GORASP2: variants seen among roughly 807,000 people sequenced by gnomAD.
The protein encoded by GORASP2 is Golgi reassembly-stacking protein 2.
A neutral mutation model predicts 45.7 loss-of-function variants in GORASP2; 22 were observed. The ratio of observed to expected loss-of-function variants is 0.48; its 90% CI spans 0.34 to 0.69. GORASP2 has a LOEUF of 0.69. Ranked by LOEUF, GORASP2 falls within the 30% of genes least tolerant of loss-of-function variation. The probability of loss-of-function intolerance (pLI) is 0.01; values close to 1 mark genes in which losing one functional copy is unlikely to be tolerated. For synonymous variants in GORASP2, 221 were observed against 215.6 expected (o/e 1.02, Z -0.22); for missense variants, 491 against 562.7 (o/e 0.87, Z 1.29).
intron 1 of GORASP2, among the ~76,000 whole-genome samples, chr2:170,943,244 GA>G (rs1246374732): frequency 6.6e-6 from 1 of 151,864 alleles, no homozygotes; most frequent in African/African-American, 2.4e-5. Flanking sequence ...GGCAACATTT[GA>G]AAAAATGGTT....
At chr2:170,961,866 A>G (rs1187461282) in intron 8 of GORASP2, 117 bp downstream of exon 8, 5 of 729,892 alleles carry the variant, frequency 6.9e-6, no homozygotes, top group Non-Finnish European at 1.3e-5. Flanking sequence ...TTTTAATCTC[A>G]GTTTATCTCT....
intron 1 of GORASP2, among the ~76,000 whole-genome samples, chr2:170,941,554 A>G (rs1016469451): frequency 6.6e-6 from 1 of 152,214 alleles, no homozygotes; most frequent in Non-Finnish European, 1.5e-5. Context: ...CACAGGATGA[A>G]TATCCTGATT....
chr2:170,934,281 T>A (rs1330452525), intron 1 of GORASP2, among the ~76,000 whole-genome samples: 2 of 152,074 alleles, frequency 1.3e-5, no homozygotes, highest in Non-Finnish European at 2.9e-5. Flanking sequence ...GTTGTTTTGT[T>A]TTGTTTTTTT....
intron 1 of GORASP2, among the ~76,000 whole-genome samples, chr2:170,940,330 G>A (rs747991315): frequency 6.6e-6 from 1 of 152,188 alleles, no homozygotes; most frequent in Non-Finnish European, 1.5e-5. Flanking sequence ...ATGTAAGTCA[G>A]TAGACCAGTG....
chr2:170,934,489 AC>A lies in GORASP2; in HGVS notation c.63+5088del, dbSNP rs1703899647. Among the ~76,000 whole-genome samples, 4 of 151,960 alleles carry A rather than the reference AC, an allele frequency of 2.6e-5. No individual in the cohort carries two copies. In the South Asian group the frequency reaches 8.3e-4, roughly 32 times the overall value. The stretch of plus-strand genomic sequence containing the variant: ...TGGCCAGGCTGTTCTCGAACTCCTG[AC>A]CTCAAGTGATCCACCCGCCTCCACC... On this transcript the variant is annotated intron_variant, in intron 1 of 9. Transcript: ENST00000234160.
rs189019544 is a variant in GORASP2, at chr2:170,962,989, A to G, written c.1018+43A>G. On this transcript the variant is annotated intron_variant, in intron 9 of 9. Coordinates refer to ENST00000234160, the MANE Select transcript of GORASP2 (RefSeq NM_015530.5). ...CCCTCCTAGGACTCTCTCTAATAAA[A>G]GTTTTATTCAGGAATGCCCATCCTC... The G allele has an allele frequency of 1.1e-5, 14 of 1,317,230 alleles. No individual in the cohort carries two copies. The African/African-American group carries it at 1.7e-4, about 16-fold the overall frequency. 81.6% of individuals were successfully genotyped at this position (1,317,230 alleles called of 1,614,324 possible).
intron 1 of GORASP2, among the ~76,000 whole-genome samples, chr2:170,942,959 G>A (rs1189594202): frequency 6.6e-6 from 1 of 152,192 alleles, no homozygotes; most frequent in East Asian, 1.9e-4. Context: ...CTTTACAGTA[G>A]TTCAAGATTT....
In GORASP2 at chr2:170,958,181, C is replaced by T. The variant is rs6726835; in HGVS notation, c.823+1622C>T. 8.5e-3 allele frequency among the ~76,000 whole-genome samples: 1,296 copies of T among 152,260 alleles called. 14 individuals carry two copies. Among genetic ancestry groups the T allele is most frequent in the African/African-American group, 0.028 (1,147 of 41,546 alleles). ...AAAATTTCAAACATACACAAAAGAG[C>T]TGGAATTGTATAATGAACCCCATCA... On this transcript the variant is annotated intron_variant, in intron 7 of 9. Coordinates refer to ENST00000234160, the MANE Select transcript of GORASP2 (RefSeq NM_015530.5).
chr2:170,955,555 T>A, intron 6 of GORASP2, among the ~76,000 whole-genome samples: 1 of 152,264 alleles, frequency 6.6e-6, no homozygotes, highest in East Asian at 1.9e-4. Context: ...GCTGCTGTTG[T>A]AAAGACAAGG....
At chr2:170,963,481 C>T (rs1575481320) in intron 9 of GORASP2, among the ~76,000 whole-genome samples, 2 of 136,228 alleles carry the variant, frequency 1.5e-5, no homozygotes. Flanking sequence ...CCCCCTCCTC[C>T]TCCTCCCGCC....
At chr2:170,929,762 C>T (rs1174721762) in intron 1 of GORASP2, 2 of 506,828 alleles carry the variant, frequency 3.9e-6, no homozygotes. Context: ...AGGAAGGGCG[C>T]GGAGGCAACG....
At chr2:170,938,650 C>A (rs10515934) in intron 1 of GORASP2, among the ~76,000 whole-genome samples, 66 of 152,138 alleles carry the variant, frequency 4.3e-4, no homozygotes, top group African/African-American at 1.3e-3. Flanking sequence ...AACAGTTAGA[C>A]TTATTTCATG....
intron 3 of GORASP2, 92 bp downstream of exon 3, chr2:170,949,834 A>AC: frequency 3.5e-6 from 4 of 1,135,808 alleles, no homozygotes; most frequent in Non-Finnish European, 5.3e-6. Flanking sequence ...ATAAGATTGT[A>AC]AGGATATTAT....
In GORASP2 at chr2:170,929,408, G is replaced by A. The variant is rs2105306403; in HGVS notation, c.63+5G>A. 1.4e-6 allele frequency: 2 copies of A among 1,386,890 alleles called. No individual in the cohort carries two copies. Among genetic ancestry groups the A allele is most frequent in the Middle Eastern group, 2.4e-4 (1 of 4,096 alleles). 85.9% of individuals were successfully genotyped at this position (1,386,890 alleles called of 1,614,324 possible). On this transcript the variant is annotated splice_donor_5th_base_variant and intron_variant, in intron 1 of 9. Transcript: ENST00000234160. ...GAGGGCTACCACGTTCTGCGGGTAA[G>A]GGCTCCGACGGCGGCCGGGGAGCTG...
At chr2:170,934,546 C>T (rs1469750302) in intron 1 of GORASP2, among the ~76,000 whole-genome samples, 2 of 152,150 alleles carry the variant, frequency 1.3e-5, no homozygotes, top group African/African-American at 4.8e-5. Context: ...CAGGTGTTAG[C>T]CACCACGCCC....
At chr2:170,952,863 A>G (rs1704328546) in intron 5 of GORASP2, among the ~76,000 whole-genome samples, 1 of 152,112 alleles carries the variant, frequency 6.6e-6, no homozygotes, top group Non-Finnish European at 1.5e-5. Flanking sequence ...TTTTTTAGAG[A>G]TGGGGCCTTG....
chr2:170,940,240 T>C (rs534571916), intron 1 of GORASP2, among the ~76,000 whole-genome samples: 2 of 152,316 alleles, frequency 1.3e-5, no homozygotes, highest in South Asian at 2.1e-4. Flanking sequence ...TCTGGTGATA[T>C]CCTGTGTGCT....
At position 170,954,730 on chromosome 2, in the gene GORASP2, C is replaced by T. The variant is rs773331015; in HGVS notation, c.647C>T (p.Pro216Leu). 4 of 1,613,462 alleles carry T rather than the reference C, an allele frequency of 2.5e-6. No individual in the cohort carries two copies. Among genetic ancestry groups the T allele is most frequent in the Non-Finnish European group, 3.4e-6 (4 of 1,179,460 alleles). Residue 216 changes from proline (P) to leucine (L), a missense_variant, in exon 6 of 10, where the codon CCA (proline) becomes CTA (leucine). Around this residue, in one of 2 missense-constraint regions of GORASP2, gnomAD observed 194 missense variants for 270.4 expected, o/e 0.72. Transcript: ENST00000234160. The part of the protein sequence containing the change: ...PFEEGKKISL[P>L]GQMAGTPITP... ...GAGGAAGGAAAGAAAATTTCTCTTC[C>T]AGGACAAATGGCTGGTACACCTATT...
intron 1 of GORASP2, among the ~76,000 whole-genome samples, chr2:170,941,558 C>A (rs1342959774): frequency 6.6e-6 from 1 of 152,198 alleles, no homozygotes; most frequent in Admixed American, 6.5e-5. Context: ...GGATGAATAT[C>A]CTGATTTCTA....
Sources: allele counts gnomAD v4.1 joint callset (sites outside exome capture counted in the v4.1 genomes callset), GRCh38; gene constraint gnomAD v4.1.1; regional missense constraint gnomAD v4.1.1; transcripts MANE v1.5; gene names NCBI Gene and HGNC (gene_info 2026-07-23, HGNC 2026-07-21).